The following TMC1 variants were observed in gnomAD, a reference collection of about 807,000 sequenced individuals.
The protein encoded by TMC1 is transmembrane channel like 1, also known as transmembrane channel-like protein 1.
TMC1 carries 84 observed loss-of-function variants against 105.8 expected under a neutral mutation model. That is an observed-to-expected ratio of 0.79 (90% CI 0.67 to 0.95). The LOEUF (loss-of-function observed/expected upper bound fraction) is 0.95. Ranked by LOEUF, TMC1 falls within the 40% of genes least tolerant of loss-of-function variation. TMC1 has a pLI of 0.00. For synonymous variants in TMC1, 315 were observed against 311.5 expected (o/e 1.01, Z -0.12); for missense variants, 817 against 914.1 (o/e 0.89, Z 1.37).
intron 4 of TMC1, among the ~76,000 whole-genome samples, chr9:72,631,578 C>T (rs927032201): frequency 6.6e-6 from 1 of 152,162 alleles, no homozygotes; most frequent in African/African-American, 2.4e-5. Context: ...AACTATATCT[C>T]TCAGAGTACA....
At chr9:72,804,885 C>T (rs1417288775) in intron 17 of TMC1, among the ~76,000 whole-genome samples, 1 of 152,042 alleles carries the variant, frequency 6.6e-6, no homozygotes, top group East Asian at 1.9e-4. Context: ...TTTAACGGAC[C>T]GTTTGTATAT....
intron 2 of TMC1, among the ~76,000 whole-genome samples, chr9:72,594,044 A>G (rs892493458): frequency 6.6e-6 from 1 of 152,200 alleles, no homozygotes; most frequent in Non-Finnish European, 1.5e-5. Context: ...TCTAATTTCT[A>G]TTGTTGGGGA....
chr9:72,567,911 T>C (rs1485771531), intron 1 of TMC1, among the ~76,000 whole-genome samples: 2 of 152,126 alleles, frequency 1.3e-5, no homozygotes, highest in African/African-American at 4.8e-5. Context: ...TATCATCTTC[T>C]GGGAGATCTT....
intron 5 of TMC1, among the ~76,000 whole-genome samples, chr9:72,659,105 C>T (rs983868987): frequency 6.6e-6 from 1 of 152,276 alleles, no homozygotes; most frequent in African/African-American, 2.4e-5. Context: ...TATTCACTTC[C>T]GCACTTAGGT....
chr9:72,733,745 T>A (rs900698101), intron 8 of TMC1, among the ~76,000 whole-genome samples: 7 of 152,192 alleles, frequency 4.6e-5, no homozygotes. Context: ...ACTTTTGCAG[T>A]TTGAAGTACA....
At chr9:72,525,113 A>G (rs1233134251) in intron 1 of TMC1, among the ~76,000 whole-genome samples, 1 of 152,238 alleles carries the variant, frequency 6.6e-6, no homozygotes. Context: ...TTAAACCGGT[A>G]CTTAACAATA....
At chr9:72,745,545 T>C (rs1318441792) in intron 10 of TMC1, among the ~76,000 whole-genome samples, 3 of 152,170 alleles carry the variant, frequency 2.0e-5, no homozygotes, top group African/African-American at 7.2e-5. Flanking sequence ...TAATTATATG[T>C]TTTGTATTCT....
intron 19 of TMC1, among the ~76,000 whole-genome samples, chr9:72,818,321 T>C (rs1362040001): frequency 6.6e-6 from 1 of 152,256 alleles, no homozygotes; most frequent in African/African-American, 2.4e-5. Flanking sequence ...TCAACATTTA[T>C]AGATAAAATC....
chr9:72,801,054 A>G (rs1165078017), intron 17 of TMC1, among the ~76,000 whole-genome samples: 2 of 152,208 alleles, frequency 1.3e-5, no homozygotes, highest in Non-Finnish European at 2.9e-5. Context: ...AGCATTACAG[A>G]TGTTTCCTCT....
At chr9:72,651,732 A>G (rs1825817290) in intron 5 of TMC1, 1 of 152,236 alleles carries the variant, frequency 6.6e-6, no homozygotes, top group Non-Finnish European at 1.5e-5. Context: ...TGGTCAGTTG[A>G]GTAGAAGGGA....
chr9:72,630,652 T>C (rs905406471), intron 4 of TMC1, among the ~76,000 whole-genome samples: 1 of 152,152 alleles, frequency 6.6e-6, no homozygotes, highest in African/African-American at 2.4e-5. Flanking sequence ...TACTGAAACA[T>C]TTTGTGTTTA....
intron 1 of TMC1, among the ~76,000 whole-genome samples, chr9:72,572,867 T>C (rs994505571): frequency 4.6e-5 from 7 of 151,730 alleles, no homozygotes; most frequent in Non-Finnish European, 8.8e-5. Context: ...TGGTGGGTGC[T>C]TGTAATACCA....
intron 5 of TMC1, among the ~76,000 whole-genome samples, chr9:72,682,327 C>T (rs1231394845): frequency 2.0e-5 from 3 of 152,134 alleles, no homozygotes; most frequent in South Asian, 2.1e-4. Flanking sequence ...TCCCCAGATA[C>T]TTTGATGATA....
At chr9:72,575,427 C>T (rs544933993) in intron 1 of TMC1, among the ~76,000 whole-genome samples, 9 of 152,212 alleles carry the variant, frequency 5.9e-5, no homozygotes, top group Non-Finnish European at 1.3e-4. Flanking sequence ...GTGATCTGCC[C>T]GCCTCGGCCT....
At chr9:72,604,134 C>T (rs1450912797) in intron 2 of TMC1, among the ~76,000 whole-genome samples, 5 of 152,058 alleles carry the variant, frequency 3.3e-5, no homozygotes, top group Admixed American at 2.6e-4. Flanking sequence ...AGGCTATCAT[C>T]ACTTGGTGAT....
intron 8 of TMC1, among the ~76,000 whole-genome samples, chr9:72,706,352 A>G (rs1196212136): frequency 6.6e-6 from 1 of 152,222 alleles, no homozygotes; most frequent in Non-Finnish European, 1.5e-5. Flanking sequence ...ACCCACCAAC[A>G]TACCCTCAAA....
chr9:72,537,313 C>A (rs1272078996), intron 1 of TMC1, among the ~76,000 whole-genome samples: 1 of 152,154 alleles, frequency 6.6e-6, no homozygotes, highest in African/African-American at 2.4e-5. Context: ...GAACCTAGCT[C>A]CCACTTAGTC....
chr9:72,718,890 T>C (rs955276776), intron 8 of TMC1, among the ~76,000 whole-genome samples: 17 of 152,112 alleles, frequency 1.1e-4, no homozygotes, highest in Non-Finnish European at 2.2e-4. Context: ...GTGGCTGCTG[T>C]GGGGATAGGG....
intron 4 of TMC1, among the ~76,000 whole-genome samples, chr9:72,639,906 C>T (rs889912817): frequency 6.6e-6 from 1 of 152,212 alleles, no homozygotes; most frequent in Non-Finnish European, 1.5e-5. Flanking sequence ...TACCCCCCAA[C>T]TCCAGCAACC....
Sources: gnomAD v4.1 joint callset for allele counts (sites outside exome capture counted in the v4.1 genomes callset) on GRCh38, gnomAD v4.1.1 for gene constraint, MANE v1.5 for transcripts, NCBI Gene and HGNC (gene_info 2026-07-23, HGNC 2026-07-21) for gene names.